RAB6A: variants seen among roughly 807,000 people sequenced by gnomAD.
RAB6A encodes the protein RAB6A, member RAS oncogene family, also known as ras-related protein Rab-6A.
Under a neutral mutation model 32.3 loss-of-function variants are expected in RAB6A, and 8 were observed. The ratio of observed to expected loss-of-function variants is 0.25; its 90% CI spans 0.15 to 0.45. The LOEUF is 0.45. Ranked by LOEUF, RAB6A falls within the 20% of genes least tolerant of loss-of-function variation. The pLI is 1.00. For missense variants in RAB6A, 104 were observed against 249.4 expected, an observed-to-expected ratio of 0.42 and a Z score of 3.93; for synonymous variants, 73 against 82.1, an observed-to-expected ratio of 0.89 and a Z score of 0.60.
At chr11:73,740,281 G>A (rs1330526814) in intron 1 of RAB6A, among the ~76,000 whole-genome samples, 1 of 152,028 alleles carries the variant, frequency 6.6e-6, no homozygotes, top group African/African-American at 2.4e-5. Flanking sequence ...TATGATTGTA[G>A]TAACAAAGCC....
intron 1 of RAB6A, among the ~76,000 whole-genome samples, chr11:73,747,198 C>CA (rs369180296): frequency 1.1e-3 from 170 of 148,730 alleles, no homozygotes; most frequent in Middle Eastern, 3.6e-3. Flanking sequence ...TCCTCTAAGA[C>CA]AAAATCTTCC....
chr11:73,690,490 A>C (rs1945533465), intron 6 of RAB6A, among the ~76,000 whole-genome samples: 2 of 151,972 alleles, frequency 1.3e-5, no homozygotes, highest in Non-Finnish European at 2.9e-5. Context: ...GGTTCAAGCA[A>C]TCCTCCTGCC....
chr11:73,729,242 G>A (rs1287095617), intron 2 of RAB6A, among the ~76,000 whole-genome samples: 1 of 152,138 alleles, frequency 6.6e-6, no homozygotes, highest in South Asian at 2.1e-4. Flanking sequence ...GGGATTACAG[G>A]CGCCCACCAT....
chr11:73,690,492 C>T (rs1237744011), intron 6 of RAB6A, among the ~76,000 whole-genome samples: 2 of 151,896 alleles, frequency 1.3e-5, no homozygotes, highest in Non-Finnish European at 2.9e-5. Context: ...TTCAAGCAAT[C>T]CTCCTGCCTC....
chr11:73,714,215 T>A (rs1198200796), intron 5 of RAB6A, among the ~76,000 whole-genome samples: 7 of 128,064 alleles, frequency 5.5e-5, no homozygotes, highest in Admixed American at 1.7e-4. Context: ...AAAAAATATA[T>A]ATATATATAT....
intron 6 of RAB6A, among the ~76,000 whole-genome samples, chr11:73,703,382 TATC>T (rs1036490431): frequency 1.3e-5 from 2 of 152,214 alleles, no homozygotes; most frequent in African/African-American, 4.8e-5. Flanking sequence ...TAAAGTATAT[TATC>T]ATTCATTCAA....
At chr11:73,687,658 C>A (rs1333150139) in intron 6 of RAB6A, among the ~76,000 whole-genome samples, 6 of 152,200 alleles carry the variant, frequency 3.9e-5, no homozygotes, top group Non-Finnish European at 7.3e-5. Context: ...GAGTTCCAGG[C>A]CAGCCTGGCT....
chr11:73,702,855 T>C (rs1945768254), intron 6 of RAB6A, among the ~76,000 whole-genome samples: 1 of 151,698 alleles, frequency 6.6e-6, no homozygotes, highest in South Asian at 2.1e-4. Flanking sequence ...TTTATATATA[T>C]TATTATTTTT....
At chr11:73,721,379 G>A (rs1048917760) in intron 2 of RAB6A, among the ~76,000 whole-genome samples, 69 of 152,114 alleles carry the variant, frequency 4.5e-4, no homozygotes, top group African/African-American at 1.6e-3. Flanking sequence ...CTTTCCATAA[G>A]AGACATGATT....
chr11:73,725,386 A>G (rs1590866481), intron 2 of RAB6A, among the ~76,000 whole-genome samples: 1 of 152,262 alleles, frequency 6.6e-6, no homozygotes. Context: ...TGTCAAGCAT[A>G]TGTGATTGAA....
chr11:73,714,437 G>A (rs550035041), intron 5 of RAB6A, among the ~76,000 whole-genome samples: 5 of 150,772 alleles, frequency 3.3e-5, no homozygotes, highest in South Asian at 2.1e-4. Context: ...CAAGGCAGGC[G>A]GATCACAAGG....
At position 73,677,890 on chromosome 11, in the gene RAB6A, A is replaced by G. The variant is rs768738550; in HGVS notation, c.*8T>C. 3.1e-6 allele frequency: 5 copies of G among 1,614,084 alleles called. No homozygotes were observed. The highest frequency in any genetic ancestry group is 4.2e-6 in the Non-Finnish European group (5 of 1,180,030). On this transcript the variant is annotated 3_prime_UTR_variant, in exon 8 of 8. Transcript: ENST00000336083. ...GCTTCTGAAGAAGGTTGAAGATGACATGGGAGATTAGCAGGAACAGCCTCC... is the reference window on the plus strand; with the variant it reads ...GCTTCTGAAGAAGGTTGAAGATGACGTGGGAGATTAGCAGGAACAGCCTCC...
chr11:73,752,486 G>A (rs1284369021), intron 1 of RAB6A, among the ~76,000 whole-genome samples: 1 of 152,026 alleles, frequency 6.6e-6, no homozygotes. Context: ...GCTACAGAAA[G>A]GAACATTCAG....
At chr11:73,687,654 C>T (rs1036602411) in intron 6 of RAB6A, among the ~76,000 whole-genome samples, 3 of 152,176 alleles carry the variant, frequency 2.0e-5, no homozygotes, top group African/African-American at 7.2e-5. Flanking sequence ...TTAGGAGTTC[C>T]AGGCCAGCCT....
chr11:73,688,849 G>T (rs567119242), intron 6 of RAB6A, among the ~76,000 whole-genome samples: 2 of 152,276 alleles, frequency 1.3e-5, no homozygotes, highest in East Asian at 3.9e-4. Context: ...AGAAACACTT[G>T]CCACCAGGCA....
chr11:73,691,942 C>A (rs767960084), intron 6 of RAB6A, among the ~76,000 whole-genome samples: 1 of 151,798 alleles, frequency 6.6e-6, no homozygotes, highest in African/African-American at 2.4e-5. Flanking sequence ...CACTGCACTC[C>A]GGCCTGGGTG....
chr11:73,721,211 T>C (rs1236861378), intron 2 of RAB6A, among the ~76,000 whole-genome samples: 1 of 152,232 alleles, frequency 6.6e-6, no homozygotes, highest in Non-Finnish European at 1.5e-5. Context: ...ATGGCAACTT[T>C]GGTTTAAATA....
intron 6 of RAB6A, among the ~76,000 whole-genome samples, chr11:73,683,216 C>T (rs909324407): frequency 2.7e-5 from 4 of 148,686 alleles, no homozygotes; most frequent in Admixed American, 6.7e-5. Flanking sequence ...TTTTTGTATA[C>T]AGAAATTCAC....
intron 6 of RAB6A, among the ~76,000 whole-genome samples, chr11:73,686,701 C>A (rs1397214429): frequency 6.6e-6 from 1 of 152,072 alleles, no homozygotes; most frequent in Non-Finnish European, 1.5e-5. Context: ...AGTTTTCAGA[C>A]TTTTAAATAA....
Sources: allele counts gnomAD v4.1 joint callset (sites outside exome capture counted in the v4.1 genomes callset), GRCh38; gene constraint gnomAD v4.1.1; transcripts MANE v1.5; gene names NCBI Gene and HGNC (gene_info 2026-07-23, HGNC 2026-07-21).